ROBO1: variants seen among roughly 807,000 people sequenced by gnomAD.
The protein encoded by ROBO1 is roundabout guidance receptor 1.
Under a neutral mutation model 195.9 loss-of-function variants are expected in ROBO1, and 149 were observed. The ratio of observed to expected loss-of-function variants is 0.76; its 90% CI spans 0.67 to 0.87. The LOEUF is 0.87. Ranked by LOEUF, ROBO1 falls within the 40% of genes least tolerant of loss-of-function variation. The probability of loss-of-function intolerance (pLI) is 0.00; values close to 1 mark genes in which losing one functional copy is unlikely to be tolerated. For synonymous variants in ROBO1, 816 were observed against 733.2 expected (o/e 1.11, Z -1.82); for missense variants, 1,933 against 2,068.3 (o/e 0.93, Z 1.27).
chr3:79,515,294 T>C (rs1940896440), intron 2 of ROBO1, among the ~76,000 whole-genome samples: 1 of 152,234 alleles, frequency 6.6e-6, no homozygotes, highest in African/African-American at 2.4e-5. Flanking sequence ...TGTTCGCCAA[T>C]GCTCTGTGTT....
intron 2 of ROBO1, among the ~76,000 whole-genome samples, chr3:79,151,526 C>T (rs1166979791): frequency 6.6e-6 from 1 of 150,530 alleles, no homozygotes; most frequent in East Asian, 2.0e-4. Flanking sequence ...CCTCTATGCT[C>T]CTCTTTCTCT....
intron 1 of ROBO1, among the ~76,000 whole-genome samples, chr3:79,714,861 G>C (rs1156555230): frequency 8.0e-6 from 1 of 124,628 alleles, no homozygotes; most frequent in Non-Finnish European, 1.6e-5. Flanking sequence ...GGTGGGGGGA[G>C]GGGGGAGGGA....
At chr3:78,718,882 G>GGGA (rs2081974800) in intron 5 of ROBO1, among the ~76,000 whole-genome samples, 1 of 148,358 alleles carries the variant, frequency 6.7e-6, no homozygotes, top group African/African-American at 2.5e-5. Context: ...GAAAAAGGGA[G>GGGA]GGAAGGAGGG....
At chr3:79,463,138 C>A (rs892651786) in intron 2 of ROBO1, among the ~76,000 whole-genome samples, 4 of 152,092 alleles carry the variant, frequency 2.6e-5, no homozygotes, top group African/African-American at 9.7e-5. Context: ...CTTTGGGAAG[C>A]TGAGGTGGGC....
At chr3:79,503,309 G>A (rs1940212587) in intron 2 of ROBO1, among the ~76,000 whole-genome samples, 1 of 152,102 alleles carries the variant, frequency 6.6e-6, no homozygotes, top group South Asian at 2.1e-4. Flanking sequence ...CCCACCAGAA[G>A]GAAGAAACTC....
At chr3:79,217,791 T>C (rs549953338) in intron 2 of ROBO1, among the ~76,000 whole-genome samples, 2 of 151,958 alleles carry the variant, frequency 1.3e-5, no homozygotes, top group African/African-American at 4.8e-5. Context: ...TTCTACCATA[T>C]TAAGTTTTTG....
intron 2 of ROBO1, among the ~76,000 whole-genome samples, chr3:79,236,762 T>C (rs2082413547): frequency 6.6e-6 from 1 of 152,194 alleles, no homozygotes; most frequent in Non-Finnish European, 1.5e-5. Context: ...TTGAGTAATG[T>C]ACATTTTTTG....
At chr3:79,281,478 A>C (rs1464222226) in intron 2 of ROBO1, among the ~76,000 whole-genome samples, 2 of 152,142 alleles carry the variant, frequency 1.3e-5, no homozygotes, top group Non-Finnish European at 1.5e-5. Flanking sequence ...ACAATAAGTG[A>C]GGTGACTGTG....
chr3:78,931,581 A>G (rs2039535813), intron 4 of ROBO1, among the ~76,000 whole-genome samples: 1 of 152,162 alleles, frequency 6.6e-6, no homozygotes, highest in South Asian at 2.1e-4. Flanking sequence ...TTGTGTAACA[A>G]AACAACAGAA....
chr3:79,288,908 A>G lies in ROBO1; in HGVS notation c.89-163369T>C, dbSNP rs560827136. 1.8e-4 allele frequency among the ~76,000 whole-genome samples: 27 copies of G among 152,242 alleles called. No individual in the cohort carries two copies. In the South Asian group the frequency reaches 5.6e-3, roughly 32 times the overall value. On this transcript the variant is annotated intron_variant, in intron 2 of 30. Transcript: ENST00000464233. The stretch of plus-strand genomic sequence containing the variant: ...AGTAGAATCATCTTATTAAGCCCCC[A>G]AAATAATTTAGCGGTCTTTTTTTCA...
chr3:79,646,923 G>C (rs1393152644), intron 1 of ROBO1, among the ~76,000 whole-genome samples: 1 of 151,884 alleles, frequency 6.6e-6, no homozygotes, highest in South Asian at 2.1e-4. Context: ...GAGGGAAAGG[G>C]GATAAAGAAA....
At chr3:79,390,311 A>G in intron 2 of ROBO1, among the ~76,000 whole-genome samples, 1 of 152,054 alleles carries the variant, frequency 6.6e-6, no homozygotes, top group Non-Finnish European at 1.5e-5. Flanking sequence ...AAGGAGGAAA[A>G]AAAAATCCAG....
intron 3 of ROBO1, among the ~76,000 whole-genome samples, chr3:79,001,008 A>C (rs1380063731): frequency 6.6e-6 from 1 of 152,108 alleles, no homozygotes; most frequent in Non-Finnish European, 1.5e-5. Flanking sequence ...GTTCTCAGCA[A>C]ACTAACACAG....
At chr3:78,625,490 T>C (rs1704705813) in intron 26 of ROBO1, among the ~76,000 whole-genome samples, 1 of 152,326 alleles carries the variant, frequency 6.6e-6, no homozygotes, top group East Asian at 1.9e-4. Context: ...TTTAGACACA[T>C]GGTGAAGTTC....
intron 2 of ROBO1, among the ~76,000 whole-genome samples, chr3:79,219,838 C>T (rs1559744023): frequency 6.6e-6 from 1 of 151,970 alleles, no homozygotes; most frequent in African/African-American, 2.4e-5. Flanking sequence ...GACAATGTTT[C>T]CTTACAGCAG....
intron 4 of ROBO1, among the ~76,000 whole-genome samples, chr3:78,755,406 T>C (rs1008626525): frequency 2.1e-4 from 32 of 152,120 alleles, no homozygotes; most frequent in Middle Eastern, 3.4e-3. Context: ...CCTGGGAGAT[T>C]GAGGCCACTT....
intron 4 of ROBO1, among the ~76,000 whole-genome samples, chr3:78,909,369 A>C (rs2038112437): frequency 6.6e-6 from 1 of 151,874 alleles, no homozygotes; most frequent in Admixed American, 6.6e-5. Flanking sequence ...ATTGTTTAGA[A>C]GTATGTATTT....
At chr3:79,596,446 T>C (rs1480884237) in intron 1 of ROBO1, among the ~76,000 whole-genome samples, 1 of 151,956 alleles carries the variant, frequency 6.6e-6, no homozygotes, top group African/African-American at 2.4e-5. Flanking sequence ...AAGTCCAGTA[T>C]TGGGTAAAGA....
chr3:79,758,849 G>A (rs1036448277), intron 1 of ROBO1, among the ~76,000 whole-genome samples: 1 of 152,058 alleles, frequency 6.6e-6, no homozygotes, highest in Non-Finnish European at 1.5e-5. Context: ...ATAAAAAAGG[G>A]CCAAAAAGAA....
Sources: gnomAD v4.1 joint callset for allele counts (sites outside exome capture counted in the v4.1 genomes callset) on GRCh38, gnomAD v4.1.1 for gene constraint, MANE v1.5 for transcripts, NCBI Gene and HGNC (gene_info 2026-07-23, HGNC 2026-07-21) for gene names.